SEMA4D: variants seen among roughly 807,000 people sequenced by gnomAD.
The protein encoded by SEMA4D is semaphorin 4D, also known as semaphorin-4D.
A neutral mutation model predicts 74.8 loss-of-function variants in SEMA4D; 22 were observed. That is an observed-to-expected ratio of 0.29 (90% CI 0.21 to 0.42). SEMA4D has a LOEUF of 0.42. Ranked by LOEUF, SEMA4D falls within the 10% of genes least tolerant of loss-of-function variation. The pLI, the probability that SEMA4D is intolerant of heterozygous loss-of-function variation, is 1.00. For missense variants in SEMA4D, 937 were observed against 1,118.4 expected (o/e 0.84, Z 2.31); for synonymous variants, 445 against 463.7 (o/e 0.96, Z 0.52).
chr9:89,420,125 C>G (rs1004892971), intron 2 of SEMA4D, among the ~76,000 whole-genome samples: 2 of 152,186 alleles, frequency 1.3e-5, no homozygotes, highest in Admixed American at 6.5e-5. Context: ...CACCAGCATC[C>G]TTGTGTCCTG....
intron 1 of SEMA4D, among the ~76,000 whole-genome samples, chr9:89,470,669 G>C (rs1351129164): frequency 6.6e-6 from 1 of 151,666 alleles, no homozygotes; most frequent in Non-Finnish European, 1.5e-5. Flanking sequence ...ATACACAAAT[G>C]TTTACAGCAG....
chr9:89,403,861 T>G (rs541338523), intron 3 of SEMA4D, among the ~76,000 whole-genome samples: 2 of 152,282 alleles, frequency 1.3e-5, no homozygotes, highest in East Asian at 3.9e-4. Context: ...TCCAGGAGAT[T>G]GAGGCTGCAG....
chr9:89,394,516 G>C (rs753325045), intron 6 of SEMA4D, among the ~76,000 whole-genome samples: 2 of 152,222 alleles, frequency 1.3e-5, no homozygotes, highest in Non-Finnish European at 2.9e-5. Context: ...GAGCCTGCCG[G>C]GAACCAGAGA....
intron 2 of SEMA4D, among the ~76,000 whole-genome samples, chr9:89,441,870 C>T (rs1039942259): frequency 3.9e-5 from 6 of 152,222 alleles, no homozygotes; most frequent in Non-Finnish European, 8.8e-5. Context: ...CAGGCCCCAC[C>T]GTGTGGACAG....
At chr9:89,394,576 A>C (rs1033798026) in intron 6 of SEMA4D, among the ~76,000 whole-genome samples, 7 of 152,256 alleles carry the variant, frequency 4.6e-5, no homozygotes, top group Non-Finnish European at 2.9e-5. Context: ...CAGCCTGGGC[A>C]TGCTGAAGAC....
chr9:89,450,466 A>C, intron 2 of SEMA4D: 1 of 1,406,628 alleles, frequency 7.1e-7, no homozygotes, highest in Non-Finnish European at 1.0e-6. Flanking sequence ...GAAATGCTGC[A>C]ACCATTTAAT....
At chr9:89,396,881 G>T in intron 5 of SEMA4D, 46 bp from the exon 6 acceptor site, 1 of 1,531,108 alleles carries the variant, frequency 6.5e-7, no homozygotes, top group Non-Finnish European at 8.9e-7. Context: ...CAGCCCAGAT[G>T]CCCTCCACTA....
chr9:89,466,060 G>C (rs543935397), intron 1 of SEMA4D, among the ~76,000 whole-genome samples: 3 of 152,314 alleles, frequency 2.0e-5, no homozygotes, highest in Non-Finnish European at 4.4e-5. Context: ...ATGTGACACA[G>C]TGAGAAGCCG....
intron 2 of SEMA4D, among the ~76,000 whole-genome samples, chr9:89,447,667 C>T (rs900241534): frequency 1.3e-5 from 2 of 152,142 alleles, no homozygotes; most frequent in African/African-American, 2.4e-5. Context: ...GCCCGACACC[C>T]CCACAATGGC....
intron 1 of SEMA4D, among the ~76,000 whole-genome samples, chr9:89,474,681 GAC>G (rs1861320414): frequency 6.6e-6 from 1 of 152,170 alleles, no homozygotes; most frequent in African/African-American, 2.4e-5. Flanking sequence ...CCAAGCTACA[GAC>G]ACATGTAGCT....
At chr9:89,457,179 C>G (rs1056757958) in intron 1 of SEMA4D, among the ~76,000 whole-genome samples, 2 of 152,012 alleles carry the variant, frequency 1.3e-5, no homozygotes, top group African/African-American at 4.8e-5. Context: ...GCTGAGCAAC[C>G]AGAGCCTGTG....
intron 15 of SEMA4D, among the ~76,000 whole-genome samples, chr9:89,380,519 T>TG (rs1343383578): frequency 2.0e-5 from 3 of 152,360 alleles, no homozygotes; most frequent in Non-Finnish European, 4.4e-5. Context: ...CTTAGTCTGA[T>TG]GACAGCTGTC....
At chr9:89,418,410 C>A (rs1006669916) in intron 2 of SEMA4D, 2 of 985,310 alleles carry the variant, frequency 2.0e-6, no homozygotes, top group Non-Finnish European at 2.4e-6. Context: ...TACTTTCTTG[C>A]ACAATAAGCC....
At chr9:89,391,715 G>A (rs1481036456) in intron 8 of SEMA4D, among the ~76,000 whole-genome samples, 2 of 152,256 alleles carry the variant, frequency 1.3e-5, no homozygotes, top group South Asian at 2.1e-4. Flanking sequence ...CCTCCTGACT[G>A]GAAGGCAGGG....
At chr9:89,450,217 T>C (rs1730011772) in intron 2 of SEMA4D, 2 of 1,240,862 alleles carry the variant, frequency 1.6e-6, no homozygotes, top group African/African-American at 1.5e-5. Flanking sequence ...GAATTTGAGG[T>C]ACATGAAGTA....
intron 2 of SEMA4D, among the ~76,000 whole-genome samples, chr9:89,453,809 TAA>T (rs1329430691): frequency 6.6e-6 from 1 of 151,908 alleles, no homozygotes; most frequent in African/African-American, 2.4e-5. Context: ...AAAAGTCCCT[TAA>T]AAGTTATTTT....
intron 2 of SEMA4D, among the ~76,000 whole-genome samples, chr9:89,437,732 C>T (rs115898403): frequency 1.6e-3 from 250 of 152,258 alleles, no homozygotes; most frequent in African/African-American, 5.7e-3. Flanking sequence ...GTGACTTGAG[C>T]AGGCACAGGT....
At chr9:89,373,777 T>G (rs1446755634), downstream of SEMA4D, among the ~76,000 whole-genome samples, 1 of 152,130 alleles carries the variant, frequency 6.6e-6, no homozygotes, top group African/African-American at 2.4e-5. Context: ...GTGCACTGTA[T>G]TGCAATCTCC....
At chr9:89,362,467 G>A (rs540373999) in intron 18 of SEMA4D, 5 of 1,613,984 alleles carry the variant, frequency 3.1e-6, no homozygotes, top group African/African-American at 2.7e-5. Context: ...TTGGTGGAAC[G>A]GATGGGCCTT....
Sources: gnomAD v4.1 joint callset for allele counts (sites outside exome capture counted in the v4.1 genomes callset) on GRCh38, gnomAD v4.1.1 for gene constraint, MANE v1.5 for transcripts, NCBI Gene and HGNC (gene_info 2026-07-23, HGNC 2026-07-21) for gene names.